Variants in SZT2 observed in about 807,000 individuals in gnomAD.
SZT2 encodes the protein SZT2 subunit of KICSTOR complex.
SZT2 carries 216 observed loss-of-function variants against 404.2 expected under a neutral mutation model. The observed-to-expected ratio is 0.53, with a 90% CI of 0.48 to 0.60. The LOEUF is 0.60. Ranked by LOEUF, SZT2 falls within the 20% of genes least tolerant of loss-of-function variation. SZT2 has a pLI of 0.00. For synonymous variants in SZT2, 1,693 were observed against 1,749.9 expected (o/e 0.97, Z 0.81); for missense variants, 3,857 against 4,459.2 (o/e 0.86, Z 3.85).
intron 4 of SZT2, among the ~76,000 whole-genome samples, chr1:43,413,822 T>G (rs531968967): frequency 1.3e-5 from 2 of 150,882 alleles, no homozygotes; most frequent in Admixed American, 1.3e-4. Context: ...CTGGGGGAGG[T>G]GGAAGGGGAG....
intron 1 of SZT2, among the ~76,000 whole-genome samples, chr1:43,395,181 C>G (rs959770139): frequency 1.4e-4 from 21 of 152,202 alleles, no homozygotes; most frequent in Admixed American, 1.3e-3. Flanking sequence ...TGCCCTCTGT[C>G]TCGTTTACCC....
rs760259214 is a variant in SZT2 at position 43,441,840 on chromosome 1, T to C, written c.7742+22T>C. The C allele has an allele frequency of 1.2e-5, 19 of 1,588,984 alleles. No homozygotes were observed. Among genetic ancestry groups the C allele is most frequent in the Non-Finnish European group, 1.5e-5 (18 of 1,167,534 alleles). ...ATTTGTGAGTGTAGATCCTATAGAA[T>C]TGAAGGGAACTCCCCTAGACTTCCT... On this transcript the variant is annotated intron_variant, in intron 55 of 71. Coordinates refer to ENST00000634258, the MANE Select transcript of SZT2 (RefSeq NM_001365999.1). The surrounding 1 kb of genome is among the most constrained non-coding windows in gnomAD (Gnocchi z 4.8).
At position 43,433,081 on chromosome 1, in the gene SZT2, C is replaced by A; in HGVS notation, c.5695C>A (p.Pro1899Thr). Residue 1899 changes from proline (P) to threonine (T), a missense_variant, in exon 40 of 72, where the codon CCA becomes ACA. Pro to Thr is a conservative substitution (Grantham distance 38). Coordinates refer to ENST00000634258, the MANE Select transcript of SZT2 (RefSeq NM_001365999.1). ...CTTCACATTGCGGACTCCACCTGGGCCAGCACCTCCACAGCCTTCACTCTC... is the reference window on the plus strand; with the variant it reads ...CTTCACATTGCGGACTCCACCTGGGACAGCACCTCCACAGCCTTCACTCTC... ...APFTLRTPPG[P>T]APPQPSLSGL... The A allele has an allele frequency of 6.2e-7, 1 of 1,614,172 alleles. No individual in the cohort carries two copies. The highest frequency in any genetic ancestry group is 8.5e-7 in the Non-Finnish European group (1 of 1,180,020).
chr1:43,452,144 AC>A lies in SZT2; in HGVS notation c.*1669del. ...GCCTCACGTGCTGTCCCCACTGTGC[AC>A]CCCCTTCTCCGCACACCCACAGAGA... is the stretch of plus-strand genomic sequence containing the variant. On this transcript the variant is annotated 3_prime_UTR_variant, in exon 72 of 72. Coordinates refer to ENST00000634258, the MANE Select transcript of SZT2 (RefSeq NM_001365999.1). The A allele has an allele frequency of 6.6e-7, 1 of 1,505,958 alleles. No homozygotes were observed. The highest frequency in any genetic ancestry group is 1.2e-5 in the South Asian group (1 of 86,768). The allele number at this position is 1,505,958 out of a possible 1,614,324, so 93.3% of individuals were successfully genotyped here. A position where few individuals can be genotyped will look rare whatever the true frequency, so the allele number is the denominator to read the frequency against.
At chr1:43,446,005 A>G in intron 63 of SZT2, 21 bp downstream of exon 63, 2 of 1,611,370 alleles carry the variant, frequency 1.2e-6, no homozygotes, top group African/African-American at 2.7e-5. Flanking sequence ...ATATAATGGT[A>G]AAGTTACTGA....
rs1264857110 is a variant in SZT2 at position 43,423,298 on chromosome 1, T to G, written c.2237T>G (p.Leu746Arg). 6.5e-7 allele frequency: 1 copy of G among 1,542,860 alleles called. No homozygotes were observed. Among genetic ancestry groups the G allele is most frequent in the Admixed American group, 1.9e-5 (1 of 52,698 alleles). Residue 746 changes from leucine (L) to arginine (R), a missense_variant, in exon 15 of 72, where the codon CTG (leucine) becomes CGG (arginine). Around this residue, in one of 7 missense-constraint regions of SZT2, gnomAD observed 1,725 missense variants for 1,881.0 expected, o/e 0.92. Coordinates refer to ENST00000634258, the MANE Select transcript of SZT2 (RefSeq NM_001365999.1). ...RPCLVVLHKP[L>R]DKLLIRYEKL... ...TGCCTTGTGGTCCTGCATAAGCCAC[T>G]GGACAAACTGCTCATCAGGTTGGTA...
chr1:43,411,769 C>CCT (rs1651075084), intron 4 of SZT2, among the ~76,000 whole-genome samples: 2 of 74,046 alleles, frequency 2.7e-5, no homozygotes, highest in Non-Finnish European at 4.8e-5. Flanking sequence ...CATCCACTAT[C>CCT]TTTTTTTTTT....
In SZT2 at chr1:43,434,483, C is replaced by G; in HGVS notation, c.5902C>G (p.Gln1968Glu). The change falls in exon 41 of 72, where the codon CAG becomes GAG. Residue 1968 changes from glutamine (Q) to glutamate (E), a missense_variant and splice_region_variant. Transcript: ENST00000634258. The part of the protein sequence containing the change: ...RVGEICREVN[Q>E]RLLLQDLHDS... Reference sequence around the variant, plus strand: ...TGGGGAGATCTGCAGGGAGGTCAACCAGGTAAGGGGCAGGACTCTCCAGAC... The same window carrying G: ...TGGGGAGATCTGCAGGGAGGTCAACGAGGTAAGGGGCAGGACTCTCCAGAC... 6.3e-7 allele frequency: 1 copy of G among 1,591,350 alleles called. No homozygotes were observed. The highest frequency in any genetic ancestry group is 1.2e-5 in the South Asian group (1 of 86,670).
rs1654797152 is a variant in SZT2, at chr1:43,439,219, C to G, written c.6792+126C>G. ...ATGGACCTGGGTACACCCATGCCCCCCCGGGGACCATTATTACCCGCCTGT... is the reference window on the plus strand; with the variant it reads ...ATGGACCTGGGTACACCCATGCCCCGCCGGGGACCATTATTACCCGCCTGT... On this transcript the variant is annotated intron_variant, in intron 48 of 71. Transcript: ENST00000634258. The surrounding 1 kb of genome is among the most constrained non-coding windows in gnomAD (Gnocchi z 4.2). 2 of 1,527,714 alleles carry G rather than the reference C, an allele frequency of 1.3e-6. No homozygotes were observed. Among genetic ancestry groups the G allele is most frequent in the South Asian group, 1.2e-5 (1 of 85,366 alleles). The allele number at this position is 1,527,714 out of a possible 1,614,324, so 94.6% of individuals were successfully genotyped here.
rs755949728 is a variant in SZT2, at chr1:43,427,289, C to T, written c.3442C>T (p.Arg1148Cys). Reference sequence around the variant, plus strand: ...TGTCTGATCCTCTTCAGATGTCCAGCGTCTGGCTGCCTGTGGCCTGGAGGG... The same window carrying T: ...TGTCTGATCCTCTTCAGATGTCCAGTGTCTGGCTGCCTGTGGCCTGGAGGG... The part of the protein sequence containing the change: ...FLPATFSDVQ[R>C]LAACGLEGPP... Residue 1148 changes from arginine (R) to cysteine (C), a missense_variant, in exon 25 of 72, where the codon CGT (arginine) becomes TGT (cysteine). Arg to Cys is a radical substitution (Grantham distance 180). Around this residue, in one of 7 missense-constraint regions of SZT2, gnomAD observed 1,725 missense variants for 1,881.0 expected, o/e 0.92. Transcript: ENST00000634258. The T allele has an allele frequency of 9.3e-6, 15 of 1,608,790 alleles. No individual in the cohort carries two copies. Among genetic ancestry groups the T allele is most frequent in the Non-Finnish European group, 6.8e-6 (8 of 1,177,416 alleles).
chr1:43,446,039 T>G, intron 63 of SZT2, 55 bp downstream of exon 63: 1 of 1,599,460 alleles, frequency 6.3e-7, no homozygotes, highest in Non-Finnish European at 8.6e-7. Flanking sequence ...TCCCACGGCC[T>G]GAGGTCATTG....
chr1:43,442,510 G>C lies in SZT2; in HGVS notation c.8043G>C (p.Leu2681=). 1 of 1,614,162 alleles carries C rather than the reference G, an allele frequency of 6.2e-7. No homozygotes were observed. ...CATTGGGCCGAGCGCTGGTTCGCCT[G>C]GTGCAGTGGCAGAATGCACGAGCCC... is the stretch of plus-strand genomic sequence containing the variant. ...GAALGRALVR[L]VQWQNARAHL... The change falls in exon 58 of 72, where the codon CTG becomes CTC. Residue 2681 remains leucine, a synonymous_variant. Coordinates refer to ENST00000634258, the MANE Select transcript of SZT2 (RefSeq NM_001365999.1). The surrounding 1 kb of genome is among the most constrained non-coding windows in gnomAD (Gnocchi z 4.5).
In SZT2 at chr1:43,433,051, G is replaced by A; in HGVS notation, c.5665G>A (p.Ala1889Thr). 1 of 1,614,058 alleles carries A rather than the reference G, an allele frequency of 6.2e-7. No homozygotes were observed. The highest frequency in any genetic ancestry group is 8.5e-7 in the Non-Finnish European group (1 of 1,180,014). The stretch of plus-strand genomic sequence containing the variant: ...TCCCAATGACACCCTTGGTGAGAAG[G>A]CCCCCTTCACATTGCGGACTCCACC... ...EGPNDTLGEKAPFTLRTPPGP... is the reference protein window; with the variant it reads ...EGPNDTLGEKTPFTLRTPPGP... The change falls in exon 40 of 72, where the codon GCC becomes ACC. Residue 1889 changes from alanine (A) to threonine (T), a missense_variant. Physicochemically the swap from Ala to Thr is moderately conservative, Grantham distance 58. Coordinates refer to ENST00000634258, the MANE Select transcript of SZT2 (RefSeq NM_001365999.1).
intron 1 of SZT2, 44 bp from the exon 2 acceptor site, chr1:43,403,133 C>T (rs370481057): frequency 1.4e-5 from 23 of 1,603,568 alleles, no homozygotes; most frequent in African/African-American, 5.3e-5. Flanking sequence ...TCCAGGTACT[C>T]GGTGCCATTT....
intron 1 of SZT2, among the ~76,000 whole-genome samples, chr1:43,397,637 C>T (rs1570543469): frequency 6.6e-6 from 1 of 151,660 alleles, no homozygotes; most frequent in Non-Finnish European, 1.5e-5. Context: ...AAGCGATTCT[C>T]CTGCCTCGGT....
chr1:43,453,603 G>C lies in SZT2; in HGVS notation c.*3123G>C. The C allele has an allele frequency of 1.3e-6, 2 of 1,527,686 alleles. No homozygotes were observed. The highest frequency in any genetic ancestry group is 1.8e-6 in the Non-Finnish European group (2 of 1,138,390). The allele number at this position is 1,527,686 out of a possible 1,614,324, so 94.6% of individuals were successfully genotyped here. A position where few individuals can be genotyped will look rare whatever the true frequency, so the allele number is the denominator to read the frequency against. On this transcript the variant is annotated 3_prime_UTR_variant, in exon 72 of 72. Transcript: ENST00000634258. Reference sequence around the variant, plus strand: ...CCCGGCCCGCGACGCACCCGGGGGCGTGTTGATCAGTACAAGCCGCAGCCC... The same window carrying C: ...CCCGGCCCGCGACGCACCCGGGGGCCTGTTGATCAGTACAAGCCGCAGCCC...
chr1:43,451,786 C>G lies in SZT2; in HGVS notation c.*1306C>G, dbSNP rs769920924. 2.5e-6 allele frequency: 4 copies of G among 1,614,120 alleles called. No individual in the cohort carries two copies. The African/African-American group carries it at 4.0e-5, about 16-fold the overall frequency. ...CCTCCTTCCGATCTGCGAAGTACCC[C>G]CTTCCACTTACCATTTGTAATTGGA... On this transcript the variant is annotated 3_prime_UTR_variant, in exon 72 of 72. Transcript: ENST00000634258.
At position 43,415,948 on chromosome 1, in the gene SZT2, A is replaced by G. The variant is rs745644215; in HGVS notation, c.631-12A>G. ...ATCTGCCCCATTCTGTCTTTTCTGTAACTTGGGGCAGGCAGAAGACCAGTC... is the reference window on the plus strand; with the variant it reads ...ATCTGCCCCATTCTGTCTTTTCTGTGACTTGGGGCAGGCAGAAGACCAGTC... On this transcript the variant is annotated splice_polypyrimidine_tract_variant and intron_variant, in intron 5 of 71. Transcript: ENST00000634258. 6.3e-7 allele frequency: 1 copy of G among 1,593,860 alleles called. No individual in the cohort carries two copies. The highest frequency in any genetic ancestry group is 1.7e-5 in the Admixed American group (1 of 59,070).
At chr1:43,433,801 C>T (rs555912433) in intron 40 of SZT2, among the ~76,000 whole-genome samples, 1 of 152,308 alleles carries the variant, frequency 6.6e-6, no homozygotes, top group African/African-American at 2.4e-5. Context: ...GGCATAATAG[C>T]TAATATTTAT....
Sources: allele counts gnomAD v4.1 joint callset (sites outside exome capture counted in the v4.1 genomes callset), GRCh38; gene constraint gnomAD v4.1.1; regional missense constraint gnomAD v4.1.1; non-coding constraint Gnocchi (gnomAD v3.1); transcripts MANE v1.5; gene names NCBI Gene and HGNC (gene_info 2026-07-23, HGNC 2026-07-21).